TACC2: variants seen among roughly 807,000 people sequenced by gnomAD.
TACC2 encodes transforming acidic coiled-coil-containing protein 2.
A neutral mutation model predicts 227.3 loss-of-function variants in TACC2; 137 were observed. The observed-to-expected ratio is 0.60, with a 90% CI of 0.52 to 0.69. TACC2 has a LOEUF of 0.69. TACC2 is among the 30% of genes least tolerant of loss of function. The pLI is 0.00. For synonymous variants in TACC2, 1,523 were observed against 1,487.5 expected (o/e 1.02, Z -0.55); for missense variants, 3,470 against 3,694.4 (o/e 0.94, Z 1.57).
chr10:122,036,318 G>A (rs1362879834), intron 2 of TACC2, among the ~76,000 whole-genome samples: 2 of 149,456 alleles, frequency 1.3e-5, no homozygotes, highest in East Asian at 2.0e-4. Context: ...TCAGCCTCCC[G>A]AGTAGCTGGG....
chr10:122,066,554 A>G lies in TACC2; in HGVS notation c.146+16004A>G, dbSNP rs1435662740. On this transcript the variant is annotated intron_variant, in intron 3 of 22. Coordinates refer to ENST00000369005, the MANE Select transcript of TACC2 (RefSeq NM_206862.4). ...AGTGCTGGGATTAGAGGCGTGAGCC[A>G]CCGCGCCCAGCTTAATTTTTGTATT... is the stretch of plus-strand genomic sequence containing the variant. Among the ~76,000 whole-genome samples the G allele has an allele frequency of 6.6e-5, 10 of 152,286 alleles. No homozygotes were observed. The South Asian group carries it at 1.0e-3, about 16-fold the overall frequency.
At chr10:122,140,596 C>G (rs35098867) in intron 6 of TACC2, among the ~76,000 whole-genome samples, 20,749 of 152,228 alleles carry the variant, frequency 0.14, 1,469 homozygotes, top group South Asian at 0.25. Context: ...TATCAGTGCC[C>G]TGCTCTCTCT....
At chr10:122,132,776 C>CCAAT in intron 6 of TACC2, 42 bp downstream of exon 6, 1 of 1,607,692 alleles carries the variant, frequency 6.2e-7, no homozygotes, top group Non-Finnish European at 8.5e-7. Flanking sequence ...ACCTCAGGGC[C>CCAAT]CAATCCTTGA....
intron 8 of TACC2, among the ~76,000 whole-genome samples, chr10:122,199,663 A>G (rs1049172568): frequency 1.3e-5 from 2 of 152,116 alleles, no homozygotes; most frequent in African/African-American, 4.8e-5. Context: ...AGAATTCCCT[A>G]TGACAGCTGA....
chr10:122,107,296 A>G lies in TACC2; in HGVS notation c.5573+18705A>G, dbSNP rs535224487. On this transcript the variant is annotated intron_variant, in intron 5 of 22. Transcript: ENST00000369005. ...ATGCTTCTAATCCCAGCACTTTGGG[A>G]GGCCGAGGCGCGTGGATCACTTGAG... Among the ~76,000 whole-genome samples the G allele has an allele frequency of 2.6e-3, 402 of 152,238 alleles. 2 individuals are homozygous for G. Among genetic ancestry groups the G allele is most frequent in the African/African-American group, 9.3e-3 (388 of 41,556 alleles).
Position 122,035,693 on chromosome 10 carries a change from C to T in TACC2, c.33+13679C>T, listed in dbSNP as rs973454450. 3.3e-5 allele frequency among the ~76,000 whole-genome samples: 5 copies of T among 152,214 alleles called. No homozygotes were observed. In the South Asian group the frequency reaches 6.3e-4, roughly 19 times the overall value. The stretch of plus-strand genomic sequence containing the variant: ...AAGTACATTGCAGTGCAACCATCAC[C>T]GCCATCCATCTCCAGAACTTTTTCA... On this transcript the variant is annotated intron_variant, in intron 2 of 22. Transcript: ENST00000369005.
At chr10:122,036,439 C>T (rs1397808346) in intron 2 of TACC2, among the ~76,000 whole-genome samples, 1 of 151,480 alleles carries the variant, frequency 6.6e-6, no homozygotes, top group Non-Finnish European at 1.5e-5. Flanking sequence ...GTGATCCGCC[C>T]ACCTTGGCCT....
chr10:122,235,619 A>ACAG (rs2095842589), intron 16 of TACC2, among the ~76,000 whole-genome samples: 1 of 152,212 alleles, frequency 6.6e-6, no homozygotes, highest in East Asian at 1.9e-4. Flanking sequence ...GTCATTTTTC[A>ACAG]GCTACTTCCT....
chr10:122,063,387 A>G (rs1211445770), intron 3 of TACC2, among the ~76,000 whole-genome samples: 1 of 152,134 alleles, frequency 6.6e-6, no homozygotes, highest in African/African-American at 2.4e-5. Context: ...CTCATTATTT[A>G]TCTTTGGCAG....
chr10:122,152,564 G>A (rs1323880220), intron 7 of TACC2, among the ~76,000 whole-genome samples: 7 of 152,162 alleles, frequency 4.6e-5, no homozygotes, highest in South Asian at 2.1e-4. Flanking sequence ...TTCCATAAAC[G>A]CGTGTTGACA....
At position 122,248,782 on chromosome 10, in the gene TACC2, G is replaced by A. The variant is rs762769351; in HGVS notation, c.8532G>A (p.Glu2844=). 2.8e-5 allele frequency: 45 copies of A among 1,614,060 alleles called. 1 individual carries two copies. The South Asian group carries it at 4.6e-4, about 17-fold the overall frequency. Residue 2844 remains glutamate, a synonymous_variant, in exon 20 of 23, where the codon GAG becomes GAA. Coordinates refer to ENST00000369005, the MANE Select transcript of TACC2 (RefSeq NM_206862.4). ...TCAGAAGATATGAGAAGATGAAGGAGGTCCTAGAAGGCTTCCGCAAGGTAG... is the reference window on the plus strand; with the variant it reads ...TCAGAAGATATGAGAAGATGAAGGAAGTCCTAGAAGGCTTCCGCAAGGTAG... ...DLFRRYEKMK[E]VLEGFRKNEE...
intron 5 of TACC2, among the ~76,000 whole-genome samples, chr10:122,122,137 C>T (rs570744177): frequency 7.0e-4 from 107 of 152,288 alleles, no homozygotes; most frequent in Non-Finnish European, 1.2e-3. Flanking sequence ...GGGTGGATCA[C>T]GAGGTCAGGA....
At position 122,211,488 on chromosome 10, in the gene TACC2, A is replaced by C; in HGVS notation, c.7063A>C (p.Lys2355Gln). The change falls in exon 9 of 23, where the codon AAA becomes CAA. Residue 2355 changes from lysine to glutamine, a missense_variant. Physicochemically the swap from Lys to Gln is moderately conservative, Grantham distance 53. Coordinates refer to ENST00000369005, the MANE Select transcript of TACC2 (RefSeq NM_206862.4). ...TTTTAACCCTTTTTCTTCCACCTCA[A>C]AAATGCAGGAGTCTCCCAAACTGCC... ...PNFNPFSSTSKMQESPKLPQQ... is the reference protein window; with the variant it reads ...PNFNPFSSTSQMQESPKLPQQ... 1.9e-6 allele frequency: 3 copies of C among 1,614,026 alleles called. No individual in the cohort carries two copies. Among genetic ancestry groups the C allele is most frequent in the Non-Finnish European group, 2.5e-6 (3 of 1,180,004 alleles).
chr10:122,213,577 G>C (rs2095341423), intron 9 of TACC2, among the ~76,000 whole-genome samples: 1 of 152,176 alleles, frequency 6.6e-6, no homozygotes, highest in South Asian at 2.1e-4. Context: ...ATAAGAGACT[G>C]CTTGGCTGTG....
rs530406940 is a variant in TACC2 at position 122,138,139 on chromosome 10, C to G, written c.5699+5405C>G. ...ACAATAAGATTTTTTTGTCTTCCCT[C>G]TATGGGTATGCATAAGTGAGTTCAA... On this transcript the variant is annotated intron_variant, in intron 6 of 22. Coordinates refer to ENST00000369005, the MANE Select transcript of TACC2 (RefSeq NM_206862.4). Among the ~76,000 whole-genome samples the G allele has an allele frequency of 9.9e-5, 15 of 151,324 alleles. No individual in the cohort carries two copies. In the South Asian group the frequency reaches 2.9e-3, roughly 29 times the overall value.
chr10:121,991,953 AC>A (rs1041429913), intron 1 of TACC2, among the ~76,000 whole-genome samples: 1 of 151,376 alleles, frequency 6.6e-6, no homozygotes, highest in African/African-American at 2.4e-5. Context: ...GTGCAGGGAA[AC>A]TCCCCTTATA....
chr10:121,992,474 G>A (rs1953066706), intron 1 of TACC2, among the ~76,000 whole-genome samples: 6 of 152,210 alleles, frequency 3.9e-5, no homozygotes, highest in Admixed American at 2.6e-4. Flanking sequence ...GTTATAAAAT[G>A]TAATTGCACA....
rs2137179127 is a variant in TACC2, at chr10:122,087,689, C to T, written c.5189C>T (p.Thr1730Met). The part of the protein sequence containing the change: ...ASGDLPEAGT[T>M]RTFSVVAGDL... ...GGTGATCTGCCTGAAGCAGGTACTA[C>T]GAGGACATTCTCCGTTGTGGCAGGT... Residue 1730 changes from threonine (T) to methionine (M), a missense_variant, in exon 4 of 23, where the codon ACG becomes ATG. Coordinates refer to ENST00000369005, the MANE Select transcript of TACC2 (RefSeq NM_206862.4). 7.4e-6 allele frequency: 12 copies of T among 1,613,258 alleles called. No individual in the cohort carries two copies. The highest frequency in any genetic ancestry group is 3.3e-5 in the Admixed American group (2 of 60,020).
intron 1 of TACC2, among the ~76,000 whole-genome samples, chr10:122,017,127 G>A (rs1956750596): frequency 6.6e-6 from 1 of 152,164 alleles, no homozygotes; most frequent in African/African-American, 2.4e-5. Context: ...AGCAGCCGGA[G>A]CTGACCAGAG....
Sources: allele counts gnomAD v4.1 joint callset (sites outside exome capture counted in the v4.1 genomes callset), GRCh38; gene constraint gnomAD v4.1.1; transcripts MANE v1.5; gene names NCBI Gene and HGNC (gene_info 2026-07-23, HGNC 2026-07-21).